VPS13D: variants seen among roughly 807,000 people sequenced by gnomAD.
The protein encoded by VPS13D is vacuolar protein sorting 13 homolog D, also known as intermembrane lipid transfer protein VPS13D.
A neutral mutation model predicts 461.9 loss-of-function variants in VPS13D; 187 were observed. The ratio of observed to expected loss-of-function variants is 0.40; its 90% CI spans 0.36 to 0.46. The LOEUF (loss-of-function observed/expected upper bound fraction) is 0.46, where lower values mean the gene tolerates loss of function less well. Ranked by LOEUF, VPS13D falls within the 20% of genes least tolerant of loss-of-function variation. The pLI is 0.60. For missense variants in VPS13D, 4,711 were observed against 5,364.9 expected, an observed-to-expected ratio of 0.88 and a Z score of 3.81; for synonymous variants, 1,951 against 1,986.3, an observed-to-expected ratio of 0.98 and a Z score of 0.47.
Position 12,275,901 on chromosome 1 carries a change from C to T in VPS13D, c.2313C>T (p.Pro771=), listed in dbSNP as rs1418319279. ...TTAGTGATGATGAATATAAGACCCC[C>T]CTGGCCACACCTCCTAACACCCCAC... ...TQFSDDEYKT[P]LATPPNTPPP... is the part of the protein sequence containing the mutation. Residue 771 remains proline (P), a synonymous_variant, in exon 19 of 70, where the codon CCC becomes CCT. Transcript: ENST00000620676. 1 of 1,613,744 alleles carries T rather than the reference C, an allele frequency of 6.2e-7. No individual in the cohort carries two copies.
intron 65 of VPS13D, among the ~76,000 whole-genome samples, chr1:12,442,232 CATT>C (rs1335103175): frequency 6.6e-6 from 1 of 152,090 alleles, no homozygotes; most frequent in Admixed American, 6.5e-5. Context: ...TGATTTAACT[CATT>C]ATGTTTCAAA....
At chr1:12,475,186 T>C (rs1645614239) in intron 67 of VPS13D, among the ~76,000 whole-genome samples, 1 of 152,176 alleles carries the variant, frequency 6.6e-6, no homozygotes, top group South Asian at 2.1e-4. Flanking sequence ...CTTGGCCCCT[T>C]GGCAAGAGAA....
At chr1:12,374,322 C>T (rs1466193158) in intron 55 of VPS13D, among the ~76,000 whole-genome samples, 1 of 152,098 alleles carries the variant, frequency 6.6e-6, no homozygotes, top group Non-Finnish European at 1.5e-5. Context: ...AGAAATGGAC[C>T]TCTCCTTTTT....
chr1:12,460,145 A>T (rs551706156), intron 66 of VPS13D, 56 bp from the exon 67 acceptor site: 137 of 1,463,034 alleles, frequency 9.4e-5, no homozygotes, highest in Non-Finnish European at 1.2e-4. Context: ...GTTTGGCTTT[A>T]AATGCTTTTG....
chr1:12,269,819 T>C (rs561258278), intron 16 of VPS13D, among the ~76,000 whole-genome samples: 2 of 152,124 alleles, frequency 1.3e-5, no homozygotes, highest in East Asian at 1.9e-4. Context: ...ACAGTAGCCA[T>C]AAATGCCGTG....
chr1:12,332,918 G>C (rs1557715287), intron 37 of VPS13D, among the ~76,000 whole-genome samples: 2 of 152,040 alleles, frequency 1.3e-5, no homozygotes, highest in African/African-American at 4.8e-5. Context: ...TCCATCTTGA[G>C]TGTCTCAACA....
intron 1 of VPS13D, among the ~76,000 whole-genome samples, chr1:12,230,603 C>T (rs1639932107): frequency 6.6e-6 from 1 of 152,112 alleles, no homozygotes. Context: ...GGTGTCAGTT[C>T]TCTAGAATGC....
chr1:12,328,814 C>T (rs1643258259), intron 36 of VPS13D, among the ~76,000 whole-genome samples: 1 of 152,258 alleles, frequency 6.6e-6, no homozygotes, highest in Non-Finnish European at 1.5e-5. Flanking sequence ...GCTGGGATTA[C>T]AGGCATGAGC....
chr1:12,501,923 G>A (rs760828458), intron 68 of VPS13D, among the ~76,000 whole-genome samples: 12 of 152,192 alleles, frequency 7.9e-5, no homozygotes, highest in Admixed American at 2.6e-4. Flanking sequence ...AGAGCACAGT[G>A]CTGGGCAGAT....
At chr1:12,323,486 G>T (rs1643098462) in intron 34 of VPS13D, among the ~76,000 whole-genome samples, 1 of 151,830 alleles carries the variant, frequency 6.6e-6, no homozygotes, top group African/African-American at 2.4e-5. Flanking sequence ...CCAATTCCTG[G>T]CCAGGACACC....
intron 54 of VPS13D, among the ~76,000 whole-genome samples, chr1:12,371,149 G>A (rs888094661): frequency 1.3e-5 from 2 of 152,036 alleles, no homozygotes; most frequent in African/African-American, 4.8e-5. Flanking sequence ...CCACCTCTTC[G>A]TAGTTCAGAG....
Position 12,260,822 on chromosome 1 carries a change from T to C in VPS13D, c.1212+28T>C, listed in dbSNP as rs1641084297. On this transcript the variant is annotated intron_variant, in intron 11 of 69. Coordinates refer to ENST00000620676, the MANE Select transcript of VPS13D (RefSeq NM_015378.4). ...AAGAAATCCTCTACAAGAGGATTTG[T>C]TCAGACCCAGCACACCCTGAGTGCT... is the stretch of plus-strand genomic sequence containing the variant. 3 of 1,612,966 alleles carry C rather than the reference T, an allele frequency of 1.9e-6. No individual in the cohort carries two copies. In the South Asian group the frequency reaches 3.3e-5, roughly 18 times the overall value.
chr1:12,354,875 T>C (rs1204384501), intron 47 of VPS13D, among the ~76,000 whole-genome samples: 2 of 152,200 alleles, frequency 1.3e-5, no homozygotes, highest in Non-Finnish European at 2.9e-5. Context: ...TTTTCAGTTG[T>C]AAGGGTTGTT....
chr1:12,488,251 A>G (rs1231104219), intron 67 of VPS13D, among the ~76,000 whole-genome samples: 1 of 152,250 alleles, frequency 6.6e-6, no homozygotes, highest in Non-Finnish European at 1.5e-5. Flanking sequence ...GAGGGAGATG[A>G]TTAACTTTTA....
At chr1:12,384,330 C>A (rs1644321677) in intron 58 of VPS13D, among the ~76,000 whole-genome samples, 2 of 152,110 alleles carry the variant, frequency 1.3e-5, no homozygotes, top group Admixed American at 1.3e-4. Flanking sequence ...CTGATTTGGG[C>A]AACTCACAGG....
At position 12,495,295 on chromosome 1, in the gene VPS13D, G is replaced by A. The variant is rs1001954394; in HGVS notation, c.12663-2205G>A. Among the ~76,000 whole-genome samples, 42 of 151,206 alleles carry A rather than the reference G, an allele frequency of 2.8e-4. No individual in the cohort carries two copies. The highest frequency in any genetic ancestry group is 8.5e-4 in the African/African-American group (35 of 41,320). ...CTCCTGAATAGCTGGGACTACAGGC[G>A]CCCGCCACTCCCCCGCCCACCCCAG... On this transcript the variant is annotated intron_variant, in intron 67 of 69. Coordinates refer to ENST00000620676, the MANE Select transcript of VPS13D (RefSeq NM_015378.4). This position sits in a 1 kb window ranked among gnomAD's most constrained non-coding sequence, Gnocchi z 4.0.
At chr1:12,410,037 G>A (rs1353703522) in intron 63 of VPS13D, 1 of 393,848 alleles carries the variant, frequency 2.5e-6, no homozygotes, top group African/African-American at 2.1e-5. Flanking sequence ...GTCTCATGGG[G>A]CTAGCAAAGC....
intron 65 of VPS13D, among the ~76,000 whole-genome samples, chr1:12,421,003 A>G (rs1570138723): frequency 6.6e-6 from 1 of 152,174 alleles, no homozygotes; most frequent in East Asian, 1.9e-4. Flanking sequence ...TTCTCCCCCC[A>G]GAGCGTTCCT....
rs757737137 is a variant in VPS13D, at chr1:12,238,632, C to CTT, written c.98-3865_98-3864dup. On this transcript the variant is annotated intron_variant, in intron 2 of 69. Coordinates refer to ENST00000620676, the MANE Select transcript of VPS13D (RefSeq NM_015378.4). ...ACCACACTAAATGGTAGCTGCTATTCTTTTTTTTTTTTTTTTTGAGAGGAA... is the reference window on the plus strand; with the variant it reads ...ACCACACTAAATGGTAGCTGCTATTCTTTTTTTTTTTTTTTTTTTGAGAGGAA... Among the ~76,000 whole-genome samples the CTT allele has an allele frequency of 5.1e-4, 67 of 132,248 alleles. 1 individual carries two copies. The highest frequency in any genetic ancestry group is 3.3e-3 in the East Asian group (15 of 4,600). 86.8% of individuals were successfully genotyped at this position (132,248 alleles called of 152,430 possible). A position where few individuals can be genotyped will look rare whatever the true frequency, so the allele number is the denominator to read the frequency against.
Sources: gnomAD v4.1 joint callset for allele counts (sites outside exome capture counted in the v4.1 genomes callset) on GRCh38, gnomAD v4.1.1 for gene constraint, Gnocchi (gnomAD v3.1) non-coding constraint, MANE v1.5 for transcripts, NCBI Gene and HGNC (gene_info 2026-07-23, HGNC 2026-07-21) for gene names.